Variants in ST18 observed in about 807,000 individuals in gnomAD.
ST18 encodes ST18 C2H2C-type zinc finger transcription factor.
A neutral mutation model predicts 110.0 loss-of-function variants in ST18; 50 were observed. The observed-to-expected ratio is 0.45, with a 90% CI of 0.36 to 0.58. The LOEUF (loss-of-function observed/expected upper bound fraction) is 0.58. Ranked by LOEUF, ST18 falls within the 20% of genes least tolerant of loss-of-function variation. The probability of loss-of-function intolerance (pLI) is 0.00; values close to 1 mark genes in which losing one functional copy is unlikely to be tolerated. For missense variants in ST18, 1,306 were observed against 1,280.1 expected (o/e 1.02, Z -0.31); for synonymous variants, 461 against 452.4 (o/e 1.02, Z -0.24).
intron 11 of ST18, among the ~76,000 whole-genome samples, chr8:52,165,763 G>C (rs2062778120): frequency 6.6e-6 from 1 of 152,220 alleles, no homozygotes; most frequent in African/African-American, 2.4e-5. Flanking sequence ...TGGCAGGACA[G>C]CACTGAGCTG....
intron 2 of ST18, among the ~76,000 whole-genome samples, chr8:52,280,099 G>T (rs1440583953): frequency 2.0e-5 from 3 of 152,044 alleles, no homozygotes; most frequent in African/African-American, 7.2e-5. Context: ...TGGAGAAGGT[G>T]TTGGTTAATT....
chr8:52,225,326 A>G (rs1302643702), intron 3 of ST18, among the ~76,000 whole-genome samples: 1 of 152,220 alleles, frequency 6.6e-6, no homozygotes, highest in Non-Finnish European at 1.5e-5. Context: ...TGATAATTCT[A>G]ACACCTTGTG....
intron 2 of ST18, among the ~76,000 whole-genome samples, chr8:52,327,296 C>T (rs997847973): frequency 6.6e-6 from 1 of 152,144 alleles, no homozygotes; most frequent in Admixed American, 6.6e-5. Flanking sequence ...AGGTATTTTT[C>T]TCAGTTCTTC....
intron 8 of ST18, among the ~76,000 whole-genome samples, chr8:52,188,011 G>T (rs1343846973): frequency 6.6e-6 from 1 of 152,016 alleles, no homozygotes; most frequent in Non-Finnish European, 1.5e-5. Flanking sequence ...TATTACTTTG[G>T]AAATATTCAC....
In ST18 at chr8:52,130,517, T is replaced by C. The variant is rs551807933; in HGVS notation, c.2666+1441A>G. Among the ~76,000 whole-genome samples, 8 of 152,348 alleles carry C rather than the reference T, an allele frequency of 5.3e-5. 2 individuals are homozygous for C. The South Asian group carries it at 1.7e-3, about 32-fold the overall frequency. On this transcript the variant is annotated intron_variant, in intron 22 of 25. Coordinates refer to ENST00000689386, the MANE Select transcript of ST18 (RefSeq NM_001352837.2). The stretch of plus-strand genomic sequence containing the variant: ...AAGGTTGTTTCCAGTCTGGAGTTAG[T>C]AGAGCAACACTGCTCAGATGTGGTC...
intron 12 of ST18, among the ~76,000 whole-genome samples, chr8:52,164,353 C>G (rs890636325): frequency 6.6e-6 from 1 of 152,208 alleles, no homozygotes; most frequent in Non-Finnish European, 1.5e-5. Context: ...ATAACTAAAG[C>G]ATTTGGAAAC....
intron 2 of ST18, among the ~76,000 whole-genome samples, chr8:52,283,872 C>G (rs1161922174): frequency 6.6e-6 from 1 of 152,012 alleles, no homozygotes; most frequent in African/African-American, 2.4e-5. Context: ...GGAGGAAGCA[C>G]GGGAGGTTTA....
In ST18 at chr8:52,135,813, C is replaced by T. The variant is rs544374221; in HGVS notation, c.2300+777G>A. 1.1e-4 allele frequency among the ~76,000 whole-genome samples: 16 copies of T among 152,100 alleles called. No individual in the cohort carries two copies. In the South Asian group the frequency reaches 3.1e-3, roughly 30 times the overall value. On this transcript the variant is annotated intron_variant, in intron 19 of 25. Transcript: ENST00000689386. ...AGAAAATATAATACGTGAAATGTTA[C>T]ATGTGTTTTAGACACCAAACGCTGA...
At chr8:52,316,126 C>G (rs1299501196) in intron 2 of ST18, among the ~76,000 whole-genome samples, 2 of 152,180 alleles carry the variant, frequency 1.3e-5, no homozygotes, top group Non-Finnish European at 2.9e-5. Flanking sequence ...TTAGATAACA[C>G]AGGTCAAATT....
intron 22 of ST18, among the ~76,000 whole-genome samples, chr8:52,127,142 A>C (rs1487983050): frequency 1.3e-5 from 2 of 152,352 alleles, no homozygotes; most frequent in East Asian, 3.9e-4. Flanking sequence ...GGGTGAAAGA[A>C]AATATTTCTG....
chr8:52,223,537 G>T (rs1167218922), intron 3 of ST18, among the ~76,000 whole-genome samples: 1 of 152,048 alleles, frequency 6.6e-6, no homozygotes. Flanking sequence ...CCAGCTACTT[G>T]GGAGGCTGAG....
chr8:52,328,544 T>C (rs1807562910), intron 2 of ST18, among the ~76,000 whole-genome samples: 1 of 152,164 alleles, frequency 6.6e-6, no homozygotes, highest in Non-Finnish European at 1.5e-5. Context: ...TTCCAGGATT[T>C]ACAAAACTCT....
At chr8:52,349,076 G>A (rs1819087295) in intron 2 of ST18, among the ~76,000 whole-genome samples, 1 of 152,108 alleles carries the variant, frequency 6.6e-6, no homozygotes, top group African/African-American at 2.4e-5. Flanking sequence ...ATATGAGTGA[G>A]ACTGTACCGT....
At chr8:52,124,102 G>A (rs1209808479) in intron 23 of ST18, among the ~76,000 whole-genome samples, 2 of 151,966 alleles carry the variant, frequency 1.3e-5, no homozygotes, top group Non-Finnish European at 2.9e-5. Flanking sequence ...ATGACTCTTC[G>A]CACACGTCTT....
At chr8:52,380,120 G>A (rs1211678403) in intron 2 of ST18, among the ~76,000 whole-genome samples, 1 of 151,874 alleles carries the variant, frequency 6.6e-6, no homozygotes, top group Admixed American at 6.6e-5. Flanking sequence ...CCAGGAAGCA[G>A]AGAAAAGTCA....
chr8:52,281,754 G>A (rs1041903677), intron 2 of ST18, among the ~76,000 whole-genome samples: 3 of 152,204 alleles, frequency 2.0e-5, no homozygotes, highest in African/African-American at 7.2e-5. Context: ...GAATCTGGAT[G>A]GATTTGGAGA....
At chr8:52,169,255 C>T (rs1376533478) in intron 10 of ST18, among the ~76,000 whole-genome samples, 3 of 152,156 alleles carry the variant, frequency 2.0e-5, no homozygotes, top group African/African-American at 7.2e-5. Context: ...GGCTCTTCCT[C>T]TGTTTTCTTT....
At chr8:52,384,090 G>A (rs1835611153) in intron 2 of ST18, among the ~76,000 whole-genome samples, 1 of 152,118 alleles carries the variant, frequency 6.6e-6, no homozygotes, top group African/African-American at 2.4e-5. Flanking sequence ...TCCATCCTTG[G>A]CATACAGCAA....
At chr8:52,310,473 T>C (rs954648858) in intron 2 of ST18, among the ~76,000 whole-genome samples, 24 of 152,222 alleles carry the variant, frequency 1.6e-4, no homozygotes, top group Admixed American at 3.9e-4. Flanking sequence ...TCGATTGTGT[T>C]TTTGAATTAG....
Sources: gnomAD v4.1 joint callset for allele counts (sites outside exome capture counted in the v4.1 genomes callset) on GRCh38, gnomAD v4.1.1 for gene constraint, MANE v1.5 for transcripts, NCBI Gene and HGNC (gene_info 2026-07-23, HGNC 2026-07-21) for gene names.